AGAP1: variants seen among roughly 807,000 people sequenced by gnomAD.
AGAP1 encodes arf-GAP with GTPase, ANK repeat and PH domain-containing protein 1.
A neutral mutation model predicts 105.3 loss-of-function variants in AGAP1; 29 were observed. That is an observed-to-expected ratio of 0.28 (90% CI 0.21 to 0.38). The LOEUF (loss-of-function observed/expected upper bound fraction) is 0.38, where lower values mean the gene tolerates loss of function less well. AGAP1 is among the 10% of genes least tolerant of loss of function. AGAP1 has a pLI of 1.00. For missense variants in AGAP1, 998 were observed against 1,165.1 expected, an observed-to-expected ratio of 0.86 and a Z score of 2.09; for synonymous variants, 509 against 485.9, an observed-to-expected ratio of 1.05 and a Z score of -0.63.
rs1397969862 is a variant in AGAP1, at chr2:236,078,100, G to A, written c.2114+28819G>A. Among the ~76,000 whole-genome samples the A allele has an allele frequency of 6.7e-6, 1 of 150,174 alleles. No individual in the cohort carries two copies. The highest frequency in any genetic ancestry group is 1.5e-5 in the Non-Finnish European group (1 of 67,472). ...AATCTGAAGTGTGTAGGGCAGGCCA[G>A]CTGGTGTGTGTGTGCATGTGTGTAA... On this transcript the variant is annotated intron_variant, in intron 16 of 17. Coordinates refer to ENST00000304032, the MANE Select transcript of AGAP1 (RefSeq NM_001037131.3). The surrounding 1 kb of genome is among the most constrained non-coding windows in gnomAD (Gnocchi z 5.3).
rs1262380083 is a variant in AGAP1 at position 236,109,342 on chromosome 2, CT to C, written c.2115-10848del. 3.9e-5 allele frequency among the ~76,000 whole-genome samples: 6 copies of C among 152,174 alleles called. No individual in the cohort carries two copies. The highest frequency in any genetic ancestry group is 1.3e-4 in the Admixed American group (2 of 15,266). The stretch of plus-strand genomic sequence containing the variant: ...GTTTTGGGTACTGGTATCTATATGA[CT>C]TGCCTTTTCCTTTTAGTGATCTCCT... On this transcript the variant is annotated intron_variant, in intron 16 of 17. Coordinates refer to ENST00000304032, the MANE Select transcript of AGAP1 (RefSeq NM_001037131.3). The surrounding 1 kb of genome is among the most constrained non-coding windows in gnomAD (Gnocchi z 5.4).
Position 235,956,561 on chromosome 2 carries a change from C to T in AGAP1, c.1484-11901C>T, listed in dbSNP as rs541465797. 4.8e-4 allele frequency among the ~76,000 whole-genome samples: 73 copies of T among 151,950 alleles called. 1 individual carries two copies. The South Asian group carries it at 0.015, about 30-fold the overall frequency. ...ACAAGAAAGGAGAGATACCAGGAAA[C>T]GGATGGGGTGCAAAGAAAGTGACAG... On this transcript the variant is annotated intron_variant, in intron 12 of 17. Transcript: ENST00000304032.
chr2:235,683,847 A>T (rs1553604858), intron 1 of AGAP1, among the ~76,000 whole-genome samples: 1 of 149,138 alleles, frequency 6.7e-6, no homozygotes, highest in African/African-American at 2.5e-5. Context: ...ATCCCTCCCA[A>T]GCCCCCCGTC....
At chr2:235,509,610 A>G (rs994515540) in intron 1 of AGAP1, among the ~76,000 whole-genome samples, 2 of 152,094 alleles carry the variant, frequency 1.3e-5, no homozygotes, top group East Asian at 1.9e-4. Context: ...TGTAGCTACA[A>G]CTGAGGTATG....
chr2:235,744,644 T>C lies in AGAP1; in HGVS notation c.397-54T>C, dbSNP rs916015901. On this transcript the variant is annotated intron_variant, in intron 4 of 17. Coordinates refer to ENST00000304032, the MANE Select transcript of AGAP1 (RefSeq NM_001037131.3). This position sits in a 1 kb window ranked among gnomAD's most constrained non-coding sequence, Gnocchi z 5.2. ...TGCCGCCATGCAGACATCTCTGTTCTTAATCAAGCCTGCTCACTCAGCTCC... is the reference window on the plus strand; with the variant it reads ...TGCCGCCATGCAGACATCTCTGTTCCTAATCAAGCCTGCTCACTCAGCTCC... The C allele has an allele frequency of 6.2e-7, 1 of 1,608,518 alleles. No individual in the cohort carries two copies. The highest frequency in any genetic ancestry group is 8.5e-7 in the Non-Finnish European group (1 of 1,176,132).
rs2057363042 is a variant in AGAP1, at chr2:236,035,815, A to T, written c.1646-746A>T. On this transcript the variant is annotated intron_variant, in intron 13 of 17. Coordinates refer to ENST00000304032, the MANE Select transcript of AGAP1 (RefSeq NM_001037131.3). This position sits in a 1 kb window ranked among gnomAD's most constrained non-coding sequence, Gnocchi z 4.2. ...TCTGTACACTTCATGGAACTAGCAGAAAAGCATTAGACAGTCGGTGCCCTT... is the reference window on the plus strand; with the variant it reads ...TCTGTACACTTCATGGAACTAGCAGTAAAGCATTAGACAGTCGGTGCCCTT... 6.6e-6 allele frequency among the ~76,000 whole-genome samples: 1 copy of T among 152,166 alleles called. No homozygotes were observed. Among genetic ancestry groups the T allele is most frequent in the Admixed American group, 6.5e-5 (1 of 15,286 alleles).
rs1351358638 is a variant in AGAP1 at position 235,596,888 on chromosome 2, C to A, written c.163+102039C>A. ...ACCCCTTGTGGTGGCACGAATGCCC[C>A]TCAGGAGCGCTTGCTCTGTACCCTA... On this transcript the variant is annotated intron_variant, in intron 1 of 17. Transcript: ENST00000304032. This position sits in a 1 kb window ranked among gnomAD's most constrained non-coding sequence, Gnocchi z 5.9. Among the ~76,000 whole-genome samples the A allele has an allele frequency of 6.6e-6, 1 of 152,130 alleles. No individual in the cohort carries two copies. The highest frequency in any genetic ancestry group is 1.5e-5 in the Non-Finnish European group (1 of 68,036).
chr2:235,601,335 C>T lies in AGAP1; in HGVS notation c.163+106486C>T, dbSNP rs1297469912. Reference sequence around the variant, plus strand: ...GATGGAGACAGGTTTGCTGTCTCTTCCTCTTGTTATAAGAACACCAGTTGT... The same window carrying T: ...GATGGAGACAGGTTTGCTGTCTCTTTCTCTTGTTATAAGAACACCAGTTGT... On this transcript the variant is annotated intron_variant, in intron 1 of 17. Coordinates refer to ENST00000304032, the MANE Select transcript of AGAP1 (RefSeq NM_001037131.3). The surrounding 1 kb of genome is among the most constrained non-coding windows in gnomAD (Gnocchi z 4.4). 2.6e-5 allele frequency among the ~76,000 whole-genome samples: 4 copies of T among 152,104 alleles called. No homozygotes were observed. Among genetic ancestry groups the T allele is most frequent in the Non-Finnish European group, 5.9e-5 (4 of 68,024 alleles).
Position 236,087,197 on chromosome 2 carries a change from C to T in AGAP1, c.2115-32995C>T, listed in dbSNP as rs2058951739. Among the ~76,000 whole-genome samples the T allele has an allele frequency of 6.6e-6, 1 of 152,072 alleles. No individual in the cohort carries two copies. The highest frequency in any genetic ancestry group is 1.5e-5 in the Non-Finnish European group (1 of 68,038). ...TTGTTTCAGGAAGTGAAAGTCTGTC[C>T]AGGCTAATGGAGCTGTGATTGACAG... On this transcript the variant is annotated intron_variant, in intron 16 of 17. Coordinates refer to ENST00000304032, the MANE Select transcript of AGAP1 (RefSeq NM_001037131.3). This position sits in a 1 kb window ranked among gnomAD's most constrained non-coding sequence, Gnocchi z 5.7.
intron 1 of AGAP1, among the ~76,000 whole-genome samples, chr2:235,572,724 C>G (rs976775470): frequency 6.6e-6 from 1 of 152,230 alleles, no homozygotes. Context: ...AGCAGCTGCC[C>G]TTAGAGTCTT....
intron 13 of AGAP1, among the ~76,000 whole-genome samples, chr2:236,028,553 AT>A (rs1184017167): frequency 6.6e-6 from 1 of 152,138 alleles, no homozygotes. Context: ...TGCAATTAAT[AT>A]TTTTGTATTC....
At chr2:235,540,003 C>G (rs544333105) in intron 1 of AGAP1, among the ~76,000 whole-genome samples, 1 of 152,288 alleles carries the variant, frequency 6.6e-6, no homozygotes, top group Non-Finnish European at 1.5e-5. Context: ...CCATCCCTCC[C>G]AGGGAACTGT....
intron 15 of AGAP1, among the ~76,000 whole-genome samples, chr2:236,047,542 G>C (rs532447058): frequency 6.8e-6 from 1 of 147,410 alleles, no homozygotes; most frequent in Non-Finnish European, 1.5e-5. Flanking sequence ...TGATGCATAG[G>C]TTTCCCCTTC....
At position 235,866,879 on chromosome 2, in the gene AGAP1, A is replaced by C. The variant is rs148424874; in HGVS notation, c.1051-16466A>C. On this transcript the variant is annotated intron_variant, in intron 9 of 17. Transcript: ENST00000304032. The surrounding 1 kb of genome is among the most constrained non-coding windows in gnomAD (Gnocchi z 6.1). ...GTCATATTGGATTAGGGCCCATCCT[A>C]ACAGCCTTATTTTAACATAATTTGC... is the stretch of plus-strand genomic sequence containing the variant. Among the ~76,000 whole-genome samples, 3 of 152,148 alleles carry C rather than the reference A, an allele frequency of 2.0e-5. No individual in the cohort carries two copies. The highest frequency in any genetic ancestry group is 4.4e-5 in the Non-Finnish European group (3 of 68,026).
At position 236,120,252 on chromosome 2, in the gene AGAP1, G is replaced by A. The variant is rs1409481105; in HGVS notation, c.2175G>A (p.Leu725=). The change falls in exon 17 of 18, where the codon CTG becomes CTA. Residue 725 remains leucine, a synonymous_variant. Transcript: ENST00000304032. The surrounding 1 kb of genome is among the most constrained non-coding windows in gnomAD (Gnocchi z 6.0). ...AGCAGAAGCTCTTCCTGGCCCCGCTGCCCTGCACGGAGCTGTCCCTGGGCC... is the reference window on the plus strand; with the variant it reads ...AGCAGAAGCTCTTCCTGGCCCCGCTACCCTGCACGGAGCTGTCCCTGGGCC... The part of the protein sequence containing the change: ...KYEQKLFLAP[L]PCTELSLGQH... 6.2e-7 allele frequency: 1 copy of A among 1,613,426 alleles called. No homozygotes were observed. Among genetic ancestry groups the A allele is most frequent in the South Asian group, 1.1e-5 (1 of 91,024 alleles).
rs919261243 is a variant in AGAP1 at position 235,625,616 on chromosome 2, C to T, written c.164-83563C>T. ...AAAAGGTGGGGTTAATAGGGAACAA[C>T]ATAAATGAGGGCAGGTGTGTGTTTC... On this transcript the variant is annotated intron_variant, in intron 1 of 17. Coordinates refer to ENST00000304032, the MANE Select transcript of AGAP1 (RefSeq NM_001037131.3). The surrounding 1 kb of genome is among the most constrained non-coding windows in gnomAD (Gnocchi z 4.0). Among the ~76,000 whole-genome samples the T allele has an allele frequency of 1.3e-5, 2 of 152,164 alleles. No homozygotes were observed. Among genetic ancestry groups the T allele is most frequent in the Non-Finnish European group, 2.9e-5 (2 of 68,014 alleles).
Position 236,105,444 on chromosome 2 carries a change from G to C in AGAP1, c.2115-14748G>C, listed in dbSNP as rs2059459091. On this transcript the variant is annotated intron_variant, in intron 16 of 17. Coordinates refer to ENST00000304032, the MANE Select transcript of AGAP1 (RefSeq NM_001037131.3). The surrounding 1 kb of genome is among the most constrained non-coding windows in gnomAD (Gnocchi z 4.2). Reference sequence around the variant, plus strand: ...GAGGAATGGGAAGTCCAAGGTCAAGGTGTTGGCTGATTCATTTCTGGTGAG... The same window carrying C: ...GAGGAATGGGAAGTCCAAGGTCAAGCTGTTGGCTGATTCATTTCTGGTGAG... Among the ~76,000 whole-genome samples the C allele has an allele frequency of 6.6e-6, 1 of 152,010 alleles. No homozygotes were observed. Among genetic ancestry groups the C allele is most frequent in the African/African-American group, 2.4e-5 (1 of 41,374 alleles).
intron 13 of AGAP1, among the ~76,000 whole-genome samples, chr2:236,033,383 T>G (rs2057285144): frequency 6.6e-6 from 1 of 152,238 alleles, no homozygotes; most frequent in African/African-American, 2.4e-5. Context: ...AGAGTTTGCA[T>G]GCATAGGTAA....
chr2:235,648,406 G>A (rs1358442106), intron 1 of AGAP1, among the ~76,000 whole-genome samples: 1 of 152,164 alleles, frequency 6.6e-6, no homozygotes, highest in African/African-American at 2.4e-5. Context: ...ACCATGAAGA[G>A]TCTGCACATG....
Sources: allele counts gnomAD v4.1 joint callset (sites outside exome capture counted in the v4.1 genomes callset), GRCh38; gene constraint gnomAD v4.1.1; non-coding constraint Gnocchi (gnomAD v3.1); transcripts MANE v1.5; gene names NCBI Gene and HGNC (gene_info 2026-07-23, HGNC 2026-07-21).